PTCSC3: variants seen among roughly 807,000 people sequenced by gnomAD.
The protein encoded by PTCSC3 is papillary thyroid carcinoma susceptibility candidate 3 (non-protein coding).
At chr14:36,153,565 CTGTT>C (rs1435462945) in intron 3 of PTCSC3, among the ~76,000 whole-genome samples, 1 of 152,176 alleles carries the variant, frequency 6.6e-6, no homozygotes, top group Non-Finnish European at 1.5e-5. Context: ...TTGGCAGTAT[CTGTT>C]AACGCTAAAA....
chr14:36,175,495 T>C (rs1006368318), intron 1 of PTCSC3, among the ~76,000 whole-genome samples: 1 of 152,180 alleles, frequency 6.6e-6, no homozygotes, highest in Non-Finnish European at 1.5e-5. Context: ...CACAGCACTT[T>C]CTATGAAATG....
At chr14:36,150,063 T>G (rs1353864107) in intron 3 of PTCSC3, among the ~76,000 whole-genome samples, 3 of 152,230 alleles carry the variant, frequency 2.0e-5, no homozygotes, top group Non-Finnish European at 2.9e-5. Flanking sequence ...TTAGGGATGC[T>G]CAACCTGTGT....
At chr14:36,143,085 C>T (rs1042017142) in intron 3 of PTCSC3, among the ~76,000 whole-genome samples, 76 of 151,616 alleles carry the variant, frequency 5.0e-4, no homozygotes, top group Non-Finnish European at 1.0e-3. Context: ...AGTTCCAAGT[C>T]TTTGCTATTG....
At chr14:36,141,649 G>T (rs1203462463) in intron 3 of PTCSC3, among the ~76,000 whole-genome samples, 5 of 151,808 alleles carry the variant, frequency 3.3e-5, no homozygotes, top group African/African-American at 1.2e-4. Flanking sequence ...CACTGTGCCT[G>T]GCCAGAGTTA....
intron 3 of PTCSC3, among the ~76,000 whole-genome samples, chr14:36,137,074 G>A (rs1017903280): frequency 8.5e-5 from 13 of 152,092 alleles, no homozygotes; most frequent in Admixed American, 2.0e-4. Context: ...AGAATAACAA[G>A]GTAGAAAATG....
chr14:36,165,610 A>G (rs1023110854), intron 1 of PTCSC3, among the ~76,000 whole-genome samples: 6 of 152,156 alleles, frequency 3.9e-5, no homozygotes, highest in African/African-American at 1.4e-4. Context: ...TATTTTTTAA[A>G]TTAGCGTTTT....
At chr14:36,173,262 T>A (rs537894461) in intron 1 of PTCSC3, among the ~76,000 whole-genome samples, 1 of 152,244 alleles carries the variant, frequency 6.6e-6, no homozygotes, top group South Asian at 2.1e-4. Flanking sequence ...TATAGAAGAA[T>A]TTTAAAAAAT....
intron 2 of PTCSC3, among the ~76,000 whole-genome samples, chr14:36,154,126 C>T (rs1245629779): frequency 6.7e-6 from 1 of 150,222 alleles, no homozygotes; most frequent in Non-Finnish European, 1.5e-5. Context: ...CTAAAGAAAA[C>T]ATGTTGTATG....
At chr14:36,155,423 G>A (rs1022106549) in intron 2 of PTCSC3, among the ~76,000 whole-genome samples, 1 of 151,728 alleles carries the variant, frequency 6.6e-6, no homozygotes, top group Non-Finnish European at 1.5e-5. Context: ...GTTCACAAGT[G>A]GTTCTTTAAT....
chr14:36,151,194 T>C (rs1396540268), intron 3 of PTCSC3, among the ~76,000 whole-genome samples: 1 of 152,178 alleles, frequency 6.6e-6, no homozygotes, highest in Non-Finnish European at 1.5e-5. Context: ...ACACTTTAAA[T>C]ACTTCATTCC....
chr14:36,162,006 C>T (rs1028198050), intron 2 of PTCSC3, among the ~76,000 whole-genome samples: 2 of 152,096 alleles, frequency 1.3e-5, no homozygotes, highest in Non-Finnish European at 2.9e-5. Flanking sequence ...TTGTTTACAC[C>T]GTGAGGGTAA....
intron 3 of PTCSC3, among the ~76,000 whole-genome samples, chr14:36,142,797 T>A: frequency 8.6e-6 from 1 of 115,858 alleles, no homozygotes; most frequent in Non-Finnish European, 1.8e-5. Flanking sequence ...CCCAATGCTA[T>A]CCCTCCCCCC....
chr14:36,155,785 C>T (rs571312385), intron 2 of PTCSC3, among the ~76,000 whole-genome samples: 2 of 151,964 alleles, frequency 1.3e-5, no homozygotes, highest in East Asian at 3.9e-4. Context: ...GATCATATAA[C>T]CAAATTGGTG....
At chr14:36,169,213 A>AT (rs1245939500) in intron 1 of PTCSC3, among the ~76,000 whole-genome samples, 1 of 151,778 alleles carries the variant, frequency 6.6e-6, no homozygotes, top group Non-Finnish European at 1.5e-5. Flanking sequence ...ACTGCCTTAA[A>AT]TTTTTTTTTA....
intron 1 of PTCSC3, among the ~76,000 whole-genome samples, chr14:36,170,963 C>G (rs924880700): frequency 3.9e-5 from 6 of 152,056 alleles, no homozygotes; most frequent in African/African-American, 1.4e-4. Context: ...AGTTAAAATA[C>G]CATATATTTC....
At chr14:36,152,045 T>C (rs188490104) in intron 3 of PTCSC3, among the ~76,000 whole-genome samples, 96 of 140,550 alleles carry the variant, frequency 6.8e-4, no homozygotes, top group African/African-American at 2.4e-3. Context: ...GCCCTCTTGT[T>C]GTGAGGACAG....
chr14:36,152,864 A>C (rs771894527), intron 3 of PTCSC3, among the ~76,000 whole-genome samples: 42 of 151,942 alleles, frequency 2.8e-4, no homozygotes, highest in Non-Finnish European at 5.4e-4. Flanking sequence ...ACTGCACTCC[A>C]GCCTGGGCAA....
intron 2 of PTCSC3, among the ~76,000 whole-genome samples, chr14:36,160,612 C>T (rs1007450046): frequency 8.6e-5 from 13 of 151,576 alleles, no homozygotes; most frequent in African/African-American, 1.9e-4. Context: ...TGATGGGCTT[C>T]CCTTTGTAGG....
chr14:36,150,767 A>T (rs1368309213), intron 3 of PTCSC3, among the ~76,000 whole-genome samples: 2 of 152,214 alleles, frequency 1.3e-5, no homozygotes, highest in Non-Finnish European at 2.9e-5. Flanking sequence ...AAATAATAGT[A>T]TGTAGCTTCA....
Sources: gnomAD v4.1 joint callset for allele counts (sites outside exome capture counted in the v4.1 genomes callset) on GRCh38, gnomAD v4.1.1 for gene constraint, MANE v1.5 for transcripts, NCBI Gene and HGNC (gene_info 2026-07-23, HGNC 2026-07-21) for gene names.